The following PLG variants were observed in gnomAD, a reference collection of about 807,000 sequenced individuals.
PLG encodes the protein plasmin.
A neutral mutation model predicts 104.4 loss-of-function variants in PLG; 41 were observed. The ratio of observed to expected loss-of-function variants is 0.39; its 90% CI spans 0.31 to 0.51. The LOEUF is 0.51. Among genes scored for constraint, PLG ranks in the 20% least tolerant of loss-of-function variants. The pLI, the probability that PLG is intolerant of heterozygous loss-of-function variation, is 0.76. For synonymous variants in PLG, 337 were observed against 357.1 expected, an observed-to-expected ratio of 0.94 and a Z score of 0.63; for missense variants, 891 against 1,003.6, an observed-to-expected ratio of 0.89 and a Z score of 1.52.
At chr6:160,750,548 G>A (rs1301355748) in intron 17 of PLG, among the ~76,000 whole-genome samples, 1 of 152,254 alleles carries the variant, frequency 6.6e-6, no homozygotes, top group Admixed American at 6.5e-5. Context: ...TCCAGGTGAT[G>A]CACCCACTGC....
chr6:160,717,918 T>A (rs1292751211), intron 7 of PLG, among the ~76,000 whole-genome samples: 2 of 152,202 alleles, frequency 1.3e-5, no homozygotes, highest in African/African-American at 2.4e-5. Context: ...CCTGCAGCCA[T>A]CCTCCTTAAC....
At chr6:160,728,552 A>G (rs941960623) in intron 10 of PLG, among the ~76,000 whole-genome samples, 1 of 152,140 alleles carries the variant, frequency 6.6e-6, no homozygotes, top group African/African-American at 2.4e-5. Context: ...TTGGGAAAAA[A>G]AAGTATACAG....
chr6:160,745,469 C>A (rs903001832), intron 17 of PLG, among the ~76,000 whole-genome samples: 1 of 152,064 alleles, frequency 6.6e-6, no homozygotes, highest in Non-Finnish European at 1.5e-5. Flanking sequence ...GGATGGCAAC[C>A]CTTGCTTTTT....
intron 17 of PLG, among the ~76,000 whole-genome samples, chr6:160,747,129 T>C (rs1778289759): frequency 6.6e-6 from 1 of 152,214 alleles, no homozygotes. Context: ...CTAGTCTTCT[T>C]CCCAAATACC....
Position 160,741,756 on chromosome 6 carries a change from C to G in PLG, c.2125+339C>G, listed in dbSNP as rs1215437603. Among the ~76,000 whole-genome samples the G allele has an allele frequency of 6.6e-6, 1 of 152,078 alleles. No individual in the cohort carries two copies. Among genetic ancestry groups the G allele is most frequent in the Non-Finnish European group, 1.5e-5 (1 of 68,024 alleles). On this transcript the variant is annotated intron_variant, in intron 17 of 18. Coordinates refer to ENST00000308192, the MANE Select transcript of PLG (RefSeq NM_000301.5). The surrounding 1 kb of genome is among the most constrained non-coding windows in gnomAD (Gnocchi z 4.7). Reference sequence around the variant, plus strand: ...TTTGTCATGCAGATTATTTTGTCACCTAGGTACTAACCCTAGTACCCAATT... The same window carrying G: ...TTTGTCATGCAGATTATTTTGTCACGTAGGTACTAACCCTAGTACCCAATT...
In PLG at chr6:160,731,893, T is replaced by C. The variant is rs1305779140; in HGVS notation, c.1587T>C (p.Asn529=). ...ETNPRAGLEK[N]YCRNPDGDVG... is the part of the protein sequence containing the mutation. ...ATCCACGGGCGGGTCTGGAAAAAAA[T>C]GTAAGCCACTTTGATTTGGACTCTT... Residue 529 remains asparagine (N), a splice_region_variant and synonymous_variant, in exon 12 of 19, where the codon AAT becomes AAC. Coordinates refer to ENST00000308192, the MANE Select transcript of PLG (RefSeq NM_000301.5). The surrounding 1 kb of genome is among the most constrained non-coding windows in gnomAD (Gnocchi z 5.1). 9 of 1,613,980 alleles carry C rather than the reference T, an allele frequency of 5.6e-6. No homozygotes were observed. In the Admixed American group the frequency reaches 6.7e-5, roughly 12 times the overall value.
chr6:160,714,967 A>G (rs558693014), intron 6 of PLG, 53 bp downstream of exon 6: 3 of 1,567,492 alleles, frequency 1.9e-6, no homozygotes, highest in Admixed American at 3.3e-5. Flanking sequence ...CTGCAGCTCT[A>G]TCAGACATTT....
rs1458039408 is a variant in PLG, at chr6:160,752,251, C to T, written c.2262C>T (p.Asp754=). 1 of 1,613,962 alleles carries T rather than the reference C, an allele frequency of 6.2e-7. No homozygotes were observed. The highest frequency in any genetic ancestry group is 1.7e-5 in the Admixed American group (1 of 60,028). Residue 754 remains aspartate (D), a synonymous_variant, in exon 18 of 19, where the codon GAC becomes GAT. Coordinates refer to ENST00000308192, the MANE Select transcript of PLG (RefSeq NM_000301.5). This position sits in a 1 kb window ranked among gnomAD's most constrained non-coding sequence, Gnocchi z 4.7. ...CTGGGCATTTGGCCGGAGGCACTGA[C>T]AGTTGCCAGGTAAGCAAAGATCAAG... ...LCAGHLAGGT[D]SCQGDSGGPL... is the part of the protein sequence containing the mutation.
At chr6:160,718,255 AAT>A (rs4252189) in intron 7 of PLG, 37 bp from the exon 8 acceptor site, 1 of 1,576,280 alleles carries the variant, frequency 6.3e-7, no homozygotes, top group Non-Finnish European at 8.7e-7. Flanking sequence ...CGTCTCAAAA[AAT>A]ATATATATTC....
At chr6:160,748,400 GGAAGAAAGAA>G (rs1205784023) in intron 17 of PLG, among the ~76,000 whole-genome samples, 16 of 26,542 alleles carry the variant, frequency 6.0e-4, no homozygotes, top group Non-Finnish European at 1.1e-3. Flanking sequence ...AAGAAAGAAA[GGAAGAAAGAA>G]AGAAAGGGAA....
At chr6:160,707,070 G>A (rs1777540997) in intron 2 of PLG, among the ~76,000 whole-genome samples, 1 of 152,172 alleles carries the variant, frequency 6.6e-6, no homozygotes, top group Non-Finnish European at 1.5e-5. Flanking sequence ...TCAGGGAGGA[G>A]GTGGGAACTG....
intron 4 of PLG, 151 bp downstream of exon 4, chr6:160,711,342 C>T: frequency 2.7e-6 from 2 of 752,670 alleles, no homozygotes; most frequent in East Asian, 2.7e-5. Context: ...ATATAACCTA[C>T]ATACCTTCTC....
At position 160,734,130 on chromosome 6, in the gene PLG, A is replaced by G. The variant is rs1235318248; in HGVS notation, c.1681+42A>G. ...TTGGTAAGGAAACTGCTTACTTAATATGGATTTGCAACAAAAAAGGAAAAG... is the reference window on the plus strand; with the variant it reads ...TTGGTAAGGAAACTGCTTACTTAATGTGGATTTGCAACAAAAAAGGAAAAG... On this transcript the variant is annotated intron_variant, in intron 13 of 18. Coordinates refer to ENST00000308192, the MANE Select transcript of PLG (RefSeq NM_000301.5). The surrounding 1 kb of genome is among the most constrained non-coding windows in gnomAD (Gnocchi z 4.4). 1 of 1,140,772 alleles carries G rather than the reference A, an allele frequency of 8.8e-7. No individual in the cohort carries two copies. The highest frequency in any genetic ancestry group is 1.3e-6 in the Non-Finnish European group (1 of 750,352). The allele number at this position is 1,140,772 out of a possible 1,614,324, so 70.7% of individuals were successfully genotyped here. A position where few individuals can be genotyped will look rare whatever the true frequency, so the allele number is the denominator to read the frequency against.
At chr6:160,742,088 T>A (rs1285114047) in intron 17 of PLG, among the ~76,000 whole-genome samples, 2 of 152,230 alleles carry the variant, frequency 1.3e-5, no homozygotes, top group Non-Finnish European at 2.9e-5. Flanking sequence ...TGATTCCATG[T>A]CTTTGCTACT....
chr6:160,730,186 A>G (rs1409633950), intron 10 of PLG, among the ~76,000 whole-genome samples: 1 of 152,188 alleles, frequency 6.6e-6, no homozygotes, highest in Non-Finnish European at 1.5e-5. Flanking sequence ...GCCTGCTTTG[A>G]CTATTACTCC....
chr6:160,734,060 T>C lies in PLG; in HGVS notation c.1653T>C (p.Leu551=). ...GCTACACGACAAATCCAAGAAAACTTTACGACTACTGTGATGTCCCTCAGT... is the reference window on the plus strand; with the variant it reads ...GCTACACGACAAATCCAAGAAAACTCTACGACTACTGTGATGTCCCTCAGT... ...PWCYTTNPRK[L]YDYCDVPQCA... Residue 551 remains leucine, a synonymous_variant, in exon 13 of 19, where the codon CTT becomes CTC. Transcript: ENST00000308192. This position sits in a 1 kb window ranked among gnomAD's most constrained non-coding sequence, Gnocchi z 4.4. The C allele has an allele frequency of 6.2e-7, 1 of 1,607,364 alleles. No individual in the cohort carries two copies. The highest frequency in any genetic ancestry group is 1.3e-5 in the African/African-American group (1 of 74,860).
chr6:160,711,692 A>C (rs1405964813), intron 4 of PLG: 6 of 1,610,388 alleles, frequency 3.7e-6, no homozygotes, highest in Non-Finnish European at 3.4e-6. Flanking sequence ...GACCTAGAAC[A>C]TAGAAGAATG....
intron 1 of PLG, among the ~76,000 whole-genome samples, chr6:160,703,229 A>T (rs1329762089): frequency 1.3e-5 from 2 of 151,984 alleles, no homozygotes; most frequent in African/African-American, 4.8e-5. Flanking sequence ...TAAGCCTTTG[A>T]AAGAATATTC....
In PLG at chr6:160,716,723, C is replaced by T. The variant is rs1777738671; in HGVS notation, c.747C>T (p.Asp249=). Reference sequence around the variant, plus strand: ...TGCGGCCTTGGTGTTTCACCACCGACCCCAACAAGCGCTGGGAACTTTGTG... The same window carrying T: ...TGCGGCCTTGGTGTTTCACCACCGATCCCAACAAGCGCTGGGAACTTTGTG... ...RELRPWCFTT[D]PNKRWELCDI... The change falls in exon 7 of 19, where the codon GAC becomes GAT. Residue 249 remains aspartate (D), a synonymous_variant. Transcript: ENST00000308192. 6.2e-7 allele frequency: 1 copy of T among 1,612,826 alleles called. No individual in the cohort carries two copies. The highest frequency in any genetic ancestry group is 8.5e-7 in the Non-Finnish European group (1 of 1,178,788).
Sources: allele counts gnomAD v4.1 joint callset (sites outside exome capture counted in the v4.1 genomes callset), GRCh38; gene constraint gnomAD v4.1.1; non-coding constraint Gnocchi (gnomAD v3.1); transcripts MANE v1.5; gene names NCBI Gene and HGNC (gene_info 2026-07-23, HGNC 2026-07-21).